The following REDIC1 variants were observed in gnomAD, a reference collection of about 807,000 sequenced individuals.
The protein encoded by REDIC1 is regulator of DNA class I crossover intermediates 1.
the REDIC1 span, among the ~76,000 whole-genome samples, chr12:39,881,395 T>C: frequency 6.6e-6 from 1 of 152,124 alleles, no homozygotes; most frequent in Non-Finnish European, 1.5e-5. Flanking sequence ...AGAAATAAAA[T>C]GTTTAAGGTA....
chr12:39,851,383 A>G, the REDIC1 span, among the ~76,000 whole-genome samples: 1 of 152,244 alleles, frequency 6.6e-6, no homozygotes, highest in Non-Finnish European at 1.5e-5. Context: ...CAAAAGGAAG[A>G]ATGAGAATTA....
At chr12:39,776,417 C>A in the REDIC1 span, among the ~76,000 whole-genome samples, 4 of 152,242 alleles carry the variant, frequency 2.6e-5, no homozygotes, top group Non-Finnish European at 5.9e-5. Flanking sequence ...CCACCAACAG[C>A]CTGCCCAGTG....
the REDIC1 span, among the ~76,000 whole-genome samples, chr12:39,845,973 A>G: frequency 6.6e-6 from 1 of 152,136 alleles, no homozygotes; most frequent in Non-Finnish European, 1.5e-5. Context: ...GATTGTACAG[A>G]TATACTCCAA....
chr12:39,837,820 T>A, the REDIC1 span, among the ~76,000 whole-genome samples: 1 of 152,000 alleles, frequency 6.6e-6, no homozygotes, highest in Non-Finnish European at 1.5e-5. Flanking sequence ...AGAATGGCAA[T>A]CATTAAAAAG....
chr12:39,666,940 A>G, the REDIC1 span, among the ~76,000 whole-genome samples: 1 of 152,000 alleles, frequency 6.6e-6, no homozygotes, highest in African/African-American at 2.4e-5. Flanking sequence ...TATTGCATCT[A>G]TTTGATTCTT....
At chr12:39,696,997 C>T in the REDIC1 span, among the ~76,000 whole-genome samples, 3 of 152,050 alleles carry the variant, frequency 2.0e-5, no homozygotes, top group Non-Finnish European at 4.4e-5. Context: ...AGAAACATAT[C>T]AATATCCAAG....
chr12:39,641,024 G>T, the REDIC1 span: 5 of 1,577,274 alleles, frequency 3.2e-6, no homozygotes. Context: ...ATTTTTGTCA[G>T]CCTTATGAGA....
the REDIC1 span, among the ~76,000 whole-genome samples, chr12:39,834,098 T>C: frequency 6.6e-6 from 1 of 152,036 alleles, no homozygotes; most frequent in Admixed American, 6.6e-5. Context: ...CATAAAAATA[T>C]ATAGTTTTCC....
the REDIC1 span, among the ~76,000 whole-genome samples, chr12:39,634,920 G>T: frequency 2.0e-5 from 3 of 151,574 alleles, no homozygotes; most frequent in African/African-American, 7.3e-5. Flanking sequence ...AATCTACAAA[G>T]AACTTAAACA....
chr12:39,847,604 A>G, the REDIC1 span, among the ~76,000 whole-genome samples: 844 of 152,150 alleles, frequency 5.5e-3, 5 homozygotes, highest in Non-Finnish European at 7.9e-3. Context: ...AGACATTTGT[A>G]TGGGTACAGT....
the REDIC1 span, among the ~76,000 whole-genome samples, chr12:39,750,197 G>A: frequency 1.6e-4 from 25 of 152,194 alleles, no homozygotes; most frequent in Admixed American, 1.6e-3. Flanking sequence ...ATCTCCTTAA[G>A]CTGATAAGCA....
At chr12:39,627,327 A>T in the REDIC1 span, among the ~76,000 whole-genome samples, 3 of 152,204 alleles carry the variant, frequency 2.0e-5, no homozygotes, top group Non-Finnish European at 4.4e-5. Context: ...GAAAAGTGAA[A>T]ATTTACTTAC....
At chr12:39,823,702 A>T in the REDIC1 span, among the ~76,000 whole-genome samples, 55 of 152,126 alleles carry the variant, frequency 3.6e-4, 1 homozygote, top group East Asian at 0.01. Context: ...TCCTGCTTTC[A>T]CCTCTCGAGT....
At chr12:39,805,682 A>G in the REDIC1 span, among the ~76,000 whole-genome samples, 2 of 152,238 alleles carry the variant, frequency 1.3e-5, no homozygotes, top group African/African-American at 4.8e-5. Context: ...CGCTTAAATA[A>G]TCTGCTAATT....
chr12:39,732,338 A>G, the REDIC1 span, among the ~76,000 whole-genome samples: 1 of 152,150 alleles, frequency 6.6e-6, no homozygotes, highest in Non-Finnish European at 1.5e-5. Flanking sequence ...ACAAATTGGC[A>G]GCTGTATCCA....
the REDIC1 span, among the ~76,000 whole-genome samples, chr12:39,896,529 CATGT>C: frequency 0.011 from 1,583 of 140,240 alleles, 42 homozygotes; most frequent in African/African-American, 0.03. Context: ...TACATGTATA[CATGT>C]ATGTATGTAT....
At chr12:39,725,372 G>T in the REDIC1 span, among the ~76,000 whole-genome samples, 3 of 152,128 alleles carry the variant, frequency 2.0e-5, no homozygotes, top group Admixed American at 6.6e-5. Flanking sequence ...ATATAGATAA[G>T]TGCTTTCTCT....
At chr12:39,679,947 T>G in the REDIC1 span, among the ~76,000 whole-genome samples, 2 of 152,088 alleles carry the variant, frequency 1.3e-5, no homozygotes, top group Non-Finnish European at 2.9e-5. Context: ...ACATGTAGTA[T>G]GAAACTGGAT....
the REDIC1 span, among the ~76,000 whole-genome samples, chr12:39,713,505 T>C: frequency 1.3e-5 from 2 of 150,614 alleles, no homozygotes; most frequent in Non-Finnish European, 3.0e-5. Flanking sequence ...CACATACATA[T>C]GTATACATGC....
Sources: gnomAD v4.1 joint callset for allele counts (sites outside exome capture counted in the v4.1 genomes callset) on GRCh38, gnomAD v4.1.1 for gene constraint, MANE v1.5 for transcripts, NCBI Gene and HGNC (gene_info 2026-07-23, HGNC 2026-07-21) for gene names.